SRD5A2: variants seen among roughly 807,000 people sequenced by gnomAD.
SRD5A2 encodes steroid 5 alpha-reductase 2, also known as 3-oxo-5-alpha-steroid 4-dehydrogenase 2.
Under a neutral mutation model 27.4 loss-of-function variants are expected in SRD5A2, and 30 were observed. That is an observed-to-expected ratio of 1.10 (90% CI 0.82 to 1.49). The LOEUF is 1.49. Ranked by LOEUF, SRD5A2 falls within the 40% of genes most tolerant of loss-of-function variation. The probability of loss-of-function intolerance (pLI) is 0.00; values close to 1 mark genes in which losing one functional copy is unlikely to be tolerated. For missense variants in SRD5A2, 348 were observed against 323.4 expected, an observed-to-expected ratio of 1.08 and a Z score of -0.58; for synonymous variants, 141 against 133.6, an observed-to-expected ratio of 1.06 and a Z score of -0.38.
intron 1 of SRD5A2, among the ~76,000 whole-genome samples, chr2:31,559,469 CT>C (rs973615447): frequency 3.3e-5 from 5 of 151,980 alleles, no homozygotes; most frequent in African/African-American, 1.2e-4. Context: ...GTGCTAGAAC[CT>C]ACTATTCTTT....
At chr2:31,659,623 C>G in the SRD5A2 span, among the ~76,000 whole-genome samples, 38 of 152,138 alleles carry the variant, frequency 2.5e-4, no homozygotes, top group Middle Eastern at 0.014. Flanking sequence ...TACAGCTAAC[C>G]AGGGAAGTGA....
At chr2:31,619,284 T>C in the SRD5A2 span, among the ~76,000 whole-genome samples, 1 of 152,122 alleles carries the variant, frequency 6.6e-6, no homozygotes, top group Non-Finnish European at 1.5e-5. Flanking sequence ...AGTTACCACA[T>C]GACCGAGTAA....
upstream of SRD5A2, among the ~76,000 whole-genome samples, chr2:31,583,640 C>CAAAAAAAAAAAA (rs1246469141): frequency 1.1e-4 from 2 of 18,412 alleles, no homozygotes; most frequent in Non-Finnish European, 2.4e-4. Flanking sequence ...AAAAAAAAAG[C>CAAAAAAAAAAAA]AAAAAAAAAA....
At chr2:31,542,061 A>G (rs4952197) in intron 1 of SRD5A2, among the ~76,000 whole-genome samples, 120,077 of 152,174 alleles carry the variant, frequency 0.79, 48,138 homozygotes, top group African/African-American at 0.93. Context: ...TGGGCTTAGA[A>G]TCAGTGAACA....
the SRD5A2 span, among the ~76,000 whole-genome samples, chr2:31,634,049 A>G: frequency 6.6e-6 from 1 of 152,214 alleles, no homozygotes; most frequent in Non-Finnish European, 1.5e-5. Flanking sequence ...TTGAGTGCAC[A>G]ATGATTGGGA....
the SRD5A2 span, among the ~76,000 whole-genome samples, chr2:31,655,324 C>T: frequency 4.6e-5 from 7 of 152,176 alleles, no homozygotes; most frequent in Non-Finnish European, 8.8e-5. Flanking sequence ...TGATCTCGAA[C>T]TCCTGACCTC....
rs28383063 is a variant in SRD5A2, at chr2:31,529,475, G to T, written c.548-18C>A. On this transcript the variant is annotated intron_variant, in intron 3 of 4. Coordinates refer to ENST00000622030, the MANE Select transcript of SRD5A2 (RefSeq NM_000348.4). ...CAAGCCACCTGCGTGCAGAAGAATC[G>T]GAAGGTCAATCATTGCAACTGAATC... 6 of 1,608,818 alleles carry T rather than the reference G, an allele frequency of 3.7e-6. No homozygotes were observed. The highest frequency in any genetic ancestry group is 3.3e-4 in the Middle Eastern group (2 of 6,042).
chr2:31,647,745 C>T, the SRD5A2 span, among the ~76,000 whole-genome samples: 2 of 152,140 alleles, frequency 1.3e-5, no homozygotes, highest in East Asian at 1.9e-4. Context: ...GTGTATGTTA[C>T]ACAAATGGCA....
the SRD5A2 span, among the ~76,000 whole-genome samples, chr2:31,627,255 G>T: frequency 6.6e-6 from 1 of 151,960 alleles, no homozygotes; most frequent in African/African-American, 2.4e-5. Context: ...TGTGCATAGT[G>T]CTGTTTATAA....
rs555304511 is a variant in SRD5A2, at chr2:31,546,568, A to G, written c.282-12802T>C. 9.8e-5 allele frequency among the ~76,000 whole-genome samples: 15 copies of G among 152,312 alleles called. No individual in the cohort carries two copies. In the East Asian group the frequency reaches 2.5e-3, roughly 26 times the overall value. On this transcript the variant is annotated intron_variant, in intron 1 of 4. Transcript: ENST00000622030. ...AAACAAATACTGCACATTCTCACTT[A>G]TAAGTAGGAGCTAAACGTTGAGTAC...
the SRD5A2 span, among the ~76,000 whole-genome samples, chr2:31,652,892 G>A: frequency 3.3e-5 from 5 of 152,076 alleles, no homozygotes; most frequent in Admixed American, 6.6e-5. Flanking sequence ...GCTTGATGGC[G>A]CTGGTTCCCT....
chr2:31,565,089 T>C (rs1666703742), intron 1 of SRD5A2, among the ~76,000 whole-genome samples: 1 of 151,902 alleles, frequency 6.6e-6, no homozygotes, highest in Non-Finnish European at 1.5e-5. Flanking sequence ...GAAATGGAAG[T>C]ACATTATTTC....
chr2:31,600,769 A>G, the SRD5A2 span, among the ~76,000 whole-genome samples: 25 of 151,968 alleles, frequency 1.6e-4, no homozygotes, highest in African/African-American at 6.0e-4. Flanking sequence ...AAAGAAATCT[A>G]CAAGCCAATA....
At chr2:31,563,986 T>C (rs1423226988) in intron 1 of SRD5A2, among the ~76,000 whole-genome samples, 1 of 152,102 alleles carries the variant, frequency 6.6e-6, no homozygotes, top group East Asian at 1.9e-4. Context: ...AGAATATTTA[T>C]AGAAACACAA....
chr2:31,577,162 T>TAAAAAAAAAAAAAAAAAAAAAAAAA (rs10683997), intron 1 of SRD5A2, among the ~76,000 whole-genome samples: 1 of 57,174 alleles, frequency 1.7e-5, no homozygotes, highest in Non-Finnish European at 2.9e-5. Flanking sequence ...AAAAAAACAT[T>TAAAAAAAAAAAAAAAAAAAAAAAAA]AAAAAAAAAA....
At chr2:31,529,044 C>A (rs1665843039) in intron 4 of SRD5A2, among the ~76,000 whole-genome samples, 1 of 152,246 alleles carries the variant, frequency 6.6e-6, no homozygotes, top group Non-Finnish European at 1.5e-5. Flanking sequence ...ACAGGACCTT[C>A]CCGGCCGTCA....
chr2:31,565,648 A>G (rs778668680), intron 1 of SRD5A2, among the ~76,000 whole-genome samples: 11 of 152,122 alleles, frequency 7.2e-5, no homozygotes, highest in Non-Finnish European at 1.2e-4. Context: ...GCATCAATTC[A>G]TCAAGAGGAC....
chr2:31,632,579 C>T, the SRD5A2 span, among the ~76,000 whole-genome samples: 1 of 152,116 alleles, frequency 6.6e-6, no homozygotes, highest in African/African-American at 2.4e-5. Flanking sequence ...CGTTGGGGGC[C>T]AGAAGGTTAA....
intron 1 of SRD5A2, among the ~76,000 whole-genome samples, chr2:31,541,216 C>T (rs1347725455): frequency 2.0e-5 from 3 of 152,014 alleles, no homozygotes; most frequent in Non-Finnish European, 4.4e-5. Context: ...ATCCTTGGCA[C>T]AGAGACAGAC....
Sources: gnomAD v4.1 joint callset for allele counts (sites outside exome capture counted in the v4.1 genomes callset) on GRCh38, gnomAD v4.1.1 for gene constraint, MANE v1.5 for transcripts, NCBI Gene and HGNC (gene_info 2026-07-23, HGNC 2026-07-21) for gene names.